The following C1orf87 variants were observed in gnomAD, a reference collection of about 807,000 sequenced individuals.
C1orf87 encodes the protein chromosome 1 open reading frame 87.
C1orf87 carries 58 observed loss-of-function variants against 60.5 expected under a neutral mutation model. The ratio of observed to expected loss-of-function variants is 0.96; its 90% confidence interval spans 0.78 to 1.19. The LOEUF (loss-of-function observed/expected upper bound fraction) is 1.19. C1orf87 is among the 50% of genes most tolerant of loss of function. The pLI, the probability that C1orf87 is intolerant of heterozygous loss-of-function variation, is 0.00. For missense variants in C1orf87, 673 were observed against 638.6 expected, an observed-to-expected ratio of 1.05 and a Z score of -0.58; for synonymous variants, 236 against 227.4, an observed-to-expected ratio of 1.04 and a Z score of -0.34.
intron 11 of C1orf87, among the ~76,000 whole-genome samples, chr1:59,994,687 CA>C (rs1557453227): frequency 6.6e-6 from 1 of 152,074 alleles, no homozygotes; most frequent in African/African-American, 2.4e-5. Context: ...CCCTTCTCCT[CA>C]AGGCTATTTT....
chr1:60,053,641 T>C (rs1418758953), intron 3 of C1orf87, among the ~76,000 whole-genome samples: 2 of 152,156 alleles, frequency 1.3e-5, no homozygotes, highest in Admixed American at 1.3e-4. Context: ...ATTCTTATTC[T>C]ATATCTATGT....
chr1:60,006,396 G>T (rs58702879), intron 9 of C1orf87, among the ~76,000 whole-genome samples: 1,935 of 152,200 alleles, frequency 0.013, 43 homozygotes, highest in African/African-American at 0.044. Context: ...CCCTTCAACA[G>T]AAGTAGTTCT....
intron 2 of C1orf87, among the ~76,000 whole-genome samples, chr1:60,069,770 G>A (rs533726195): frequency 1.3e-5 from 2 of 152,078 alleles, no homozygotes; most frequent in Non-Finnish European, 2.9e-5. Context: ...TTGAACTGTG[G>A]CCCTGCCAAG....
At position 60,039,905 on chromosome 1, in the gene C1orf87, C is replaced by T. The variant is rs201487497; in HGVS notation, c.747+12G>A. 112 of 1,610,096 alleles carry T rather than the reference C, an allele frequency of 7.0e-5. No homozygotes were observed. Among genetic ancestry groups the T allele is most frequent in the Middle Eastern group, 3.3e-4 (2 of 6,038 alleles). ...AAAGGAACCCACACTTCCAATAGTACAATTGCCATACCATTTCAGGAGAAC... is the reference window on the plus strand; with the variant it reads ...AAAGGAACCCACACTTCCAATAGTATAATTGCCATACCATTTCAGGAGAAC... On this transcript the variant is annotated intron_variant, in intron 5 of 11. Coordinates refer to ENST00000371201, the MANE Select transcript of C1orf87 (RefSeq NM_152377.3).
At chr1:60,033,677 GT>G in intron 6 of C1orf87, 36 bp from the exon 7 acceptor site, 1 of 1,597,320 alleles carries the variant, frequency 6.3e-7, no homozygotes, top group Non-Finnish European at 8.5e-7. Flanking sequence ...CTATGAAAAG[GT>G]TATCCACCCA....
chr1:60,050,473 C>A (rs1645406431), intron 3 of C1orf87, among the ~76,000 whole-genome samples: 1 of 150,170 alleles, frequency 6.7e-6, no homozygotes, highest in African/African-American at 2.5e-5. Context: ...TATATGAAGG[C>A]CATTGATTTG....
intron 8 of C1orf87, among the ~76,000 whole-genome samples, chr1:60,024,616 C>G (rs574221419): frequency 6.6e-6 from 1 of 152,270 alleles, no homozygotes; most frequent in African/African-American, 2.4e-5. Context: ...CTCTACTCCT[C>G]TGTGCTGTGC....
chr1:60,069,390 T>A (rs1645569303), intron 2 of C1orf87, among the ~76,000 whole-genome samples: 1 of 152,126 alleles, frequency 6.6e-6, no homozygotes, highest in Non-Finnish European at 1.5e-5. Context: ...GACTACACAT[T>A]CAGGAGCAAA....
chr1:60,040,113 T>G lies in C1orf87; in HGVS notation c.551A>C (p.Glu184Ala), dbSNP rs139549873. 1.9e-6 allele frequency: 3 copies of G among 1,614,092 alleles called. No homozygotes were observed. The African/African-American group carries it at 4.0e-5, about 22-fold the overall frequency. Reference protein sequence around the residue: ...DAFLLALVRRELKSRPLSSNL... With the variant: ...DAFLLALVRRALKSRPLSSNL... ...GGAACTCAAAGGACGTGACTTGAGT[T>G]CTCTTCTGACCAGGGCAAGAAGAAA... The change falls in exon 5 of 12, where the codon GAA becomes GCA. Residue 184 changes from glutamate (E) to alanine (A), a missense_variant. Glu to Ala is a moderately radical substitution (Grantham distance 107, BLOSUM62 -1). Transcript: ENST00000371201.
chr1:60,018,041 G>A (rs1645135992), intron 8 of C1orf87, among the ~76,000 whole-genome samples: 2 of 152,160 alleles, frequency 1.3e-5, no homozygotes, highest in South Asian at 2.1e-4. Flanking sequence ...CATTTAGTCA[G>A]GAAGCAGCTC....
chr1:60,013,575 A>G (rs1645104129), intron 8 of C1orf87, among the ~76,000 whole-genome samples: 1 of 152,040 alleles, frequency 6.6e-6, no homozygotes, highest in Non-Finnish European at 1.5e-5. Context: ...AAAAAAATCA[A>G]TGGTTTTCTA....
chr1:60,003,094 G>C (rs1574294992), intron 9 of C1orf87, among the ~76,000 whole-genome samples: 2 of 148,704 alleles, frequency 1.3e-5, no homozygotes, highest in African/African-American at 2.5e-5. Context: ...ATGATAGACT[G>C]GATTAAGAAA....
chr1:60,006,619 C>T (rs1645048086), intron 9 of C1orf87, among the ~76,000 whole-genome samples: 1 of 151,850 alleles, frequency 6.6e-6, no homozygotes, highest in Non-Finnish European at 1.5e-5. Context: ...CTTCTTCTCT[C>T]TTGTTCACAG....
At chr1:60,056,447 T>C (rs1018132185) in intron 2 of C1orf87, among the ~76,000 whole-genome samples, 10 of 152,166 alleles carry the variant, frequency 6.6e-5, no homozygotes, top group African/African-American at 2.4e-4. Context: ...TCTAAATATT[T>C]AGTAATAGGT....
chr1:60,034,874 G>A (rs967470697), intron 6 of C1orf87, among the ~76,000 whole-genome samples: 2 of 151,366 alleles, frequency 1.3e-5, no homozygotes, highest in Non-Finnish European at 2.9e-5. Context: ...ACAGTACCTG[G>A]AACTGATTCA....
chr1:60,065,626 G>A (rs1167073238), intron 2 of C1orf87, among the ~76,000 whole-genome samples: 1 of 152,034 alleles, frequency 6.6e-6, no homozygotes, highest in Non-Finnish European at 1.5e-5. Flanking sequence ...CACTCAGTAG[G>A]TGCTCAGTTA....
chr1:60,071,790 A>ATATT (rs1284625072), intron 2 of C1orf87, among the ~76,000 whole-genome samples: 1 of 152,216 alleles, frequency 6.6e-6, no homozygotes, highest in African/African-American at 2.4e-5. Flanking sequence ...ATATCTTTGT[A>ATATT]TATTTGTTCA....
At chr1:60,069,339 T>A (rs1405414236) in intron 2 of C1orf87, among the ~76,000 whole-genome samples, 1 of 152,156 alleles carries the variant, frequency 6.6e-6, no homozygotes, top group African/African-American at 2.4e-5. Flanking sequence ...AGGTTCTGTT[T>A]CTAACAAGTT....
chr1:60,046,135 A>T, intron 3 of C1orf87, among the ~76,000 whole-genome samples: 1 of 135,202 alleles, frequency 7.4e-6, no homozygotes, highest in Non-Finnish European at 1.6e-5. Context: ...CATCTTTTAA[A>T]ATTCCTTCCT....
Sources: allele counts gnomAD v4.1 joint callset (sites outside exome capture counted in the v4.1 genomes callset), GRCh38; gene constraint gnomAD v4.1.1; transcripts MANE v1.5; gene names NCBI Gene and HGNC (gene_info 2026-07-23, HGNC 2026-07-21).